Variants in MSLN observed in about 807,000 individuals in gnomAD.
MSLN encodes CAK1 antigen.
MSLN carries 82 observed loss-of-function variants against 72.6 expected under a neutral mutation model. The ratio of observed to expected loss-of-function variants is 1.13; its 90% confidence interval spans 0.94 to 1.36. MSLN has a LOEUF of 1.36. MSLN is among the 40% of genes most tolerant of loss of function. The probability of loss-of-function intolerance (pLI) is 0.00; values close to 1 mark genes in which losing one functional copy is unlikely to be tolerated. For synonymous variants in MSLN, 456 were observed against 387.3 expected (o/e 1.18, Z -2.08); for missense variants, 1,005 against 847.9 (o/e 1.19, Z -2.30).
At chr16:765,467 C>T (rs1256047456) in intron 9 of MSLN, 60 bp from the exon 10 acceptor site, 1 of 1,512,020 alleles carries the variant, frequency 6.6e-7, no homozygotes, top group African/African-American at 1.4e-5. Flanking sequence ...ACGGCCTGGC[C>T]TCTTCCCTCT....
rs560700532 is a variant in MSLN at position 765,248 on chromosome 16, C to T, written c.649C>T (p.Gln217Ter). The stretch of plus-strand genomic sequence containing the variant: ...GGTGAGCTGCCCGGGACCCCTGGAC[C>T]AGGACCAGCAGGAGGCAGCCAGGGC... ...RLVSCPGPLDQDQQEAARAAL... is the reference protein window; with the variant it reads ...RLVSCPGPLD The change falls in exon 9 of 18, where the codon CAG (glutamine) becomes TAG (stop). Residue 217 changes from glutamine to a stop codon, truncating the protein, a stop_gained. Coordinates refer to ENST00000545450, the MANE Select transcript of MSLN (RefSeq NM_005823.6). LOFTEE classifies it high-confidence loss of function. 8.8e-6 allele frequency: 14 copies of T among 1,583,480 alleles called. No individual in the cohort carries two copies. In the South Asian group the frequency reaches 1.5e-4, roughly 17 times the overall value.
In MSLN at chr16:766,028, G is replaced by A. The variant is rs370517128; in HGVS notation, c.896-31G>A. On this transcript the variant is annotated intron_variant, in intron 11 of 17. Coordinates refer to ENST00000545450, the MANE Select transcript of MSLN (RefSeq NM_005823.6). Reference sequence around the variant, plus strand: ...AGGAAGAAGGGGTCAAACGAACTCCGGCCCTGACCCCTGACCCCTGTGCCC... The same window carrying A: ...AGGAAGAAGGGGTCAAACGAACTCCAGCCCTGACCCCTGACCCCTGTGCCC... The A allele has an allele frequency of 3.9e-5, 62 of 1,570,590 alleles. 1 individual carries two copies. The African/African-American group carries it at 4.5e-4, about 11-fold the overall frequency.
chr16:762,512 C>A, intron 2 of MSLN, 160 bp from the exon 3 acceptor site: 1 of 632,048 alleles, frequency 1.6e-6, no homozygotes, highest in Non-Finnish European at 2.8e-6. Flanking sequence ...ACAGAGGGCT[C>A]AGTGGCTGGA....
At chr16:761,525 G>A (rs914922731) in intron 2 of MSLN, among the ~76,000 whole-genome samples, 4 of 152,238 alleles carry the variant, frequency 2.6e-5, no homozygotes, top group African/African-American at 9.6e-5. Context: ...ATGGAGCTGG[G>A]GTGGGGAGTG....
chr16:768,614 A>C, intron 17 of MSLN, 34 bp from the exon 18 acceptor site: 1 of 1,609,598 alleles, frequency 6.2e-7, no homozygotes, highest in Non-Finnish European at 8.5e-7. Context: ...GGGGGCGTGG[A>C]GGTGGGCGCT....
intron 3 of MSLN, 48 bp from the exon 4 acceptor site, chr16:763,185 G>A (rs770513131): frequency 1.6e-5 from 21 of 1,336,910 alleles, no homozygotes; most frequent in Non-Finnish European, 2.2e-5. Flanking sequence ...TCAGGGCACA[G>A]CCCAGAGGCC....
chr16:763,730 C>T (rs528376412), intron 5 of MSLN, 39 bp downstream of exon 5: 34 of 1,564,704 alleles, frequency 2.2e-5, no homozygotes, highest in South Asian at 9.2e-5. Context: ...GGGTGAGGCT[C>T]GAGGGGCCCT....
chr16:765,861 G>T, intron 11 of MSLN, 71 bp downstream of exon 11: 2 of 1,456,314 alleles, frequency 1.4e-6, no homozygotes, highest in Non-Finnish European at 1.9e-6. Context: ...TCACTTTAGG[G>T]TCTCACCTGC....
rs768258941 is a variant in MSLN, at chr16:766,029, G to GCCCTGAC, written c.896-17_896-11dup. ...GGAAGAAGGGGTCAAACGAACTCCG[G>GCCCTGAC]CCCTGACCCCTGACCCCTGTGCCCT... On this transcript the variant is annotated intron_variant, in intron 11 of 17. Transcript: ENST00000545450. The GCCCTGAC allele has an allele frequency of 3.3e-4, 515 of 1,573,720 alleles. 2 individuals carry two copies. The African/African-American group carries it at 4.1e-3, about 13-fold the overall frequency.
At chr16:763,170 C>T in intron 3 of MSLN, 63 bp from the exon 4 acceptor site, 2 of 1,151,032 alleles carry the variant, frequency 1.7e-6, no homozygotes, top group Non-Finnish European at 2.5e-6. Context: ...CCTTCCTCCC[C>T]TGGGTCAGGG....
At chr16:766,007 A>AGAAG (rs1438888225) in intron 11 of MSLN, 52 bp from the exon 12 acceptor site, 1 of 1,529,688 alleles carries the variant, frequency 6.5e-7, no homozygotes, top group Non-Finnish European at 8.8e-7. Context: ...TGTGGGAGGA[A>AGAAG]GAAGGGGTCA....
In MSLN at chr16:765,690, G is replaced by C. The variant is rs1229185379; in HGVS notation, c.796-1G>C. On this transcript the variant is annotated splice_acceptor_variant, in intron 10 of 17. Coordinates refer to ENST00000545450, the MANE Select transcript of MSLN (RefSeq NM_005823.6). LOFTEE classifies it high-confidence loss of function. ...TCAGCCCAGGTCCTGCTCGTCCTCA[G>C]GGCATCGTGGCCGCGTGGCGGCAAC... 20 of 1,600,744 alleles carry C rather than the reference G, an allele frequency of 1.2e-5. No individual in the cohort carries two copies. Among genetic ancestry groups the C allele is most frequent in the Non-Finnish European group, 1.7e-5 (20 of 1,179,320 alleles).
intron 8 of MSLN, 27 bp downstream of exon 8, chr16:765,063 G>A: frequency 6.2e-7 from 1 of 1,608,924 alleles, no homozygotes; most frequent in Non-Finnish European, 8.5e-7. Context: ...GCGCGGGGCG[G>A]AGAGGGCTCG....
In MSLN at chr16:764,067, C is replaced by T; in HGVS notation, c.224C>T (p.Ser75Phe). 1 of 1,605,752 alleles carries T rather than the reference C, an allele frequency of 6.2e-7. No individual in the cohort carries two copies. Residue 75 changes from serine to phenylalanine, a missense_variant, in exon 6 of 18, where the codon TCC (serine) becomes TTC (phenylalanine). Coordinates refer to ENST00000545450, the MANE Select transcript of MSLN (RefSeq NM_005823.6). ...CTTGGCTTCCCGTGTGCGGAGGTGT[C>T]CGGCCTGAGCACGGAGCGTGTCCGG... ...QLLGFPCAEV[S>F]GLSTERVREL...
At position 768,169 on chromosome 16, in the gene MSLN, C is replaced by T. The variant is rs569766061; in HGVS notation, c.1597-210C>T. ...AAGGCGGGTCTGCAGTGGGGCGAGG[C>T]CTTAGGAAGGGCAGCATCTTCCCGT... On this transcript the variant is annotated intron_variant, in intron 16 of 17. Transcript: ENST00000545450. Among the ~76,000 whole-genome samples the T allele has an allele frequency of 1.1e-4, 16 of 150,674 alleles. No individual in the cohort carries two copies. In the East Asian group the frequency reaches 3.2e-3, roughly 30 times the overall value.
chr16:766,654 G>A lies in MSLN; in HGVS notation c.1231-14G>A, dbSNP rs552757404. On this transcript the variant is annotated splice_polypyrimidine_tract_variant and intron_variant, in intron 13 of 17. Transcript: ENST00000545450. ...TCTCCTTGCCACAAGGCTCCTCGGC[G>A]GCCCCTCCCACAGGTGGCCACCCTG... 80 of 1,612,168 alleles carry A rather than the reference G, an allele frequency of 5.0e-5. No individual in the cohort carries two copies. The East Asian group carries it at 7.8e-4, about 16-fold the overall frequency.
In MSLN at chr16:766,878, T is replaced by C. The variant is rs773659929; in HGVS notation, c.1374-7T>C. 1.4e-5 allele frequency: 22 copies of C among 1,612,320 alleles called. No individual in the cohort carries two copies. The highest frequency in any genetic ancestry group is 1.7e-5 in the Admixed American group (1 of 59,988). Reference sequence around the variant, plus strand: ...TGGCGCTCACTGTCCACCCACCGTGTCCCCAGGGCGGTCAGGCCCCAGGAC... The same window carrying C: ...TGGCGCTCACTGTCCACCCACCGTGCCCCCAGGGCGGTCAGGCCCCAGGAC... On this transcript the variant is annotated splice_polypyrimidine_tract_variant and splice_region_variant and intron_variant, in intron 14 of 17. Transcript: ENST00000545450.
chr16:765,877 C>T, intron 11 of MSLN, 87 bp downstream of exon 11: 2 of 1,396,456 alleles, frequency 1.4e-6, no homozygotes, highest in Non-Finnish European at 2.0e-6. Flanking sequence ...CCTGCCCCTC[C>T]CTGGCTCTGC....
At position 766,150 on chromosome 16, in the gene MSLN, G is replaced by A. The variant is rs1369219867; in HGVS notation, c.987G>A (p.Ala329=). ...KKWELEACVD[A]ALLATQMDRV... is the part of the protein sequence containing the mutation. ...GGGAGCTGGAAGCCTGCGTGGATGC[G>A]GCCCTGCTGGCCACCCAGATGGACC... The change falls in exon 12 of 18, where the codon GCG becomes GCA. Residue 329 remains alanine (A), a synonymous_variant. Coordinates refer to ENST00000545450, the MANE Select transcript of MSLN (RefSeq NM_005823.6). 6.8e-6 allele frequency: 11 copies of A among 1,612,630 alleles called. No homozygotes were observed. Among genetic ancestry groups the A allele is most frequent in the Middle Eastern group, 1.6e-4 (1 of 6,082 alleles).
Sources: allele counts gnomAD v4.1 joint callset (sites outside exome capture counted in the v4.1 genomes callset), GRCh38; gene constraint gnomAD v4.1.1; transcripts MANE v1.5; gene names NCBI Gene and HGNC (gene_info 2026-07-23, HGNC 2026-07-21).